Variants in SMYD3 observed in about 807,000 individuals in gnomAD.
SMYD3 encodes the protein SET and MYND domain containing 3, also known as histone-lysine N-methyltransferase SMYD3.
Under a neutral mutation model 57.7 loss-of-function variants are expected in SMYD3, and 36 were observed. The observed-to-expected ratio is 0.62, with a 90% CI of 0.48 to 0.82. The LOEUF (loss-of-function observed/expected upper bound fraction) is 0.82. Ranked by LOEUF, SMYD3 falls within the 40% of genes least tolerant of loss-of-function variation. The probability of loss-of-function intolerance (pLI) is 0.00; values close to 1 mark genes in which losing one functional copy is unlikely to be tolerated. For synonymous variants in SMYD3, 211 were observed against 195.0 expected, an observed-to-expected ratio of 1.08 and a Z score of -0.68; for missense variants, 515 against 538.8, an observed-to-expected ratio of 0.96 and a Z score of 0.44.
At chr1:245,813,145 G>A (rs1462138773) in intron 10 of SMYD3, among the ~76,000 whole-genome samples, 10 of 150,710 alleles carry the variant, frequency 6.6e-5, no homozygotes, top group African/African-American at 2.4e-4. Context: ...CTCCCAAGTA[G>A]CTGGGACTAC....
At chr1:246,344,142 C>G (rs1276238452) in intron 2 of SMYD3, among the ~76,000 whole-genome samples, 1 of 152,086 alleles carries the variant, frequency 6.6e-6, no homozygotes, top group Non-Finnish European at 1.5e-5. Context: ...CTTAGCCTCC[C>G]AAAGTGCTGG....
intron 10 of SMYD3, among the ~76,000 whole-genome samples, chr1:245,801,478 A>G (rs2047858768): frequency 6.6e-6 from 1 of 152,216 alleles, no homozygotes; most frequent in Non-Finnish European, 1.5e-5. Flanking sequence ...GATTTAGATG[A>G]AGATATTTAA....
intron 5 of SMYD3, among the ~76,000 whole-genome samples, chr1:246,278,060 G>A (rs143066839): frequency 6.6e-6 from 1 of 152,238 alleles, no homozygotes; most frequent in East Asian, 1.9e-4. Context: ...GAGTACAACT[G>A]CAAACAGCCA....
chr1:246,302,216 G>A (rs1148715), intron 5 of SMYD3, among the ~76,000 whole-genome samples: 29,034 of 152,082 alleles, frequency 0.19, 2,980 homozygotes, highest in East Asian at 0.3. Flanking sequence ...TTTGGCCACT[G>A]TCTTGCCACC....
rs1047226031 is a variant in SMYD3, at chr1:246,507,067, G to C, written c.151C>G (p.Arg51Gly). The change falls in exon 1 of 12, where the codon CGC (arginine) becomes GGC (glycine). Residue 51 changes from arginine to glycine, a missense_variant. Physicochemically the swap from Arg to Gly is moderately radical, Grantham distance 125. Transcript: ENST00000490107. ...CTCCTTACGCACCCGAGAAGGCAGC[G>C]GTCGCAGACGACGCCACGACTCCCC... is the stretch of plus-strand genomic sequence containing the variant. ...CKGSRGVVCD[R>G]CLLGKEKLMR... 4 of 1,512,420 alleles carry C rather than the reference G, an allele frequency of 2.6e-6. No homozygotes were observed. The Admixed American group carries it at 8.6e-5, about 32-fold the overall frequency. 93.7% of individuals were successfully genotyped at this position (1,512,420 alleles called of 1,614,324 possible).
chr1:246,112,119 C>A (rs562014430), intron 5 of SMYD3, among the ~76,000 whole-genome samples: 2 of 152,186 alleles, frequency 1.3e-5, no homozygotes, highest in Non-Finnish European at 2.9e-5. Context: ...TTCAGAGCAA[C>A]CTTCTTCATG....
intron 5 of SMYD3, chr1:246,052,552 A>G (rs1370632783): frequency 6.6e-6 from 1 of 152,262 alleles, no homozygotes. Flanking sequence ...ATCCACAGAT[A>G]CATCTATCCA....
intron 1 of SMYD3, among the ~76,000 whole-genome samples, chr1:246,409,876 T>C (rs1293091770): frequency 6.6e-6 from 1 of 152,216 alleles, no homozygotes; most frequent in African/African-American, 2.4e-5. Context: ...TAGTTCTCCT[T>C]GAAGAGGTCC....
chr1:246,504,894 T>C (rs1179544221), intron 1 of SMYD3, among the ~76,000 whole-genome samples: 3 of 152,238 alleles, frequency 2.0e-5, no homozygotes, highest in Non-Finnish European at 4.4e-5. Context: ...AGGACAGGCA[T>C]TCAACAGTGG....
intron 5 of SMYD3, among the ~76,000 whole-genome samples, chr1:246,104,865 G>C (rs529868739): frequency 1.3e-5 from 2 of 152,114 alleles, no homozygotes; most frequent in South Asian, 4.2e-4. Context: ...TTTTTAAATA[G>C]GCTACTGTCA....
rs554321507 is a variant in SMYD3, at chr1:245,765,085, CAGTTTAAATGAGCTTT to C, written c.1077-952_1077-937del. 3.3e-3 allele frequency among the ~76,000 whole-genome samples: 446 copies of C among 133,488 alleles called. 4 individuals are homozygous for C. Among genetic ancestry groups the C allele is most frequent in the South Asian group, 9.9e-3 (43 of 4,364 alleles). The allele number at this position is 133,488 out of a possible 152,430, so 87.6% of individuals were successfully genotyped here. A position where few individuals can be genotyped will look rare whatever the true frequency, so the allele number is the denominator to read the frequency against. Reference sequence around the variant, plus strand: ...ACACACACACACACACACAAAACCACAGTTTAAATGAGCTTTTCAGGACAGGTGCGATGGCTCACAC... The same window carrying C: ...ACACACACACACACACACAAAACCACTCAGGACAGGTGCGATGGCTCACAC... On this transcript the variant is annotated intron_variant, in intron 10 of 11. Coordinates refer to ENST00000490107, the MANE Select transcript of SMYD3 (RefSeq NM_001167740.2).
intron 5 of SMYD3, among the ~76,000 whole-genome samples, chr1:246,073,081 G>A (rs906005699): frequency 6.6e-6 from 1 of 152,284 alleles, no homozygotes; most frequent in Non-Finnish European, 1.5e-5. Flanking sequence ...CAGTTACAAC[G>A]ATGGATGCAT....
chr1:246,375,047 C>A (rs572885371), intron 1 of SMYD3, among the ~76,000 whole-genome samples: 1 of 152,132 alleles, frequency 6.6e-6, no homozygotes, highest in African/African-American at 2.4e-5. Flanking sequence ...GAGCCGAGAT[C>A]GCGCTGTTGC....
At chr1:246,453,546 A>G (rs1413000652) in intron 1 of SMYD3, among the ~76,000 whole-genome samples, 1 of 152,208 alleles carries the variant, frequency 6.6e-6, no homozygotes, top group Non-Finnish European at 1.5e-5. Context: ...TCCTATTTGA[A>G]TAAAAAATTA....
chr1:245,948,895 CA>C, intron 5 of SMYD3, among the ~76,000 whole-genome samples: 1 of 152,214 alleles, frequency 6.6e-6, no homozygotes, highest in East Asian at 1.9e-4. Context: ...AGTGACCAGG[CA>C]AGCCATGCAA....
chr1:246,090,793 A>G lies in SMYD3; in HGVS notation c.532-160856T>C, dbSNP rs559354628. ...CCGCCTCCCAAAGCGCTGGGATTAC[A>G]GGCATGAGCTACCACACCCGGCTCT... On this transcript the variant is annotated intron_variant, in intron 5 of 11. Coordinates refer to ENST00000490107, the MANE Select transcript of SMYD3 (RefSeq NM_001167740.2). 4.6e-5 allele frequency among the ~76,000 whole-genome samples: 7 copies of G among 152,228 alleles called. No homozygotes were observed. The South Asian group carries it at 8.3e-4, about 18-fold the overall frequency.
intron 5 of SMYD3, among the ~76,000 whole-genome samples, chr1:246,019,150 A>G (rs1329733127): frequency 1.3e-5 from 2 of 152,054 alleles, no homozygotes; most frequent in African/African-American, 4.8e-5. Flanking sequence ...GTGATTCTCA[A>G]TCAGGGCTGA....
intron 5 of SMYD3, among the ~76,000 whole-genome samples, chr1:246,038,641 A>G (rs1483189332): frequency 1.3e-5 from 2 of 152,162 alleles, no homozygotes; most frequent in Admixed American, 1.3e-4. Context: ...AATTTCACAA[A>G]TCACCCATTC....
At chr1:246,379,189 A>C (rs979366059) in intron 1 of SMYD3, among the ~76,000 whole-genome samples, 7 of 150,936 alleles carry the variant, frequency 4.6e-5, no homozygotes, top group African/African-American at 1.2e-4. Context: ...ATACTAAGCA[A>C]TTTAATCTCT....
Sources: allele counts gnomAD v4.1 joint callset (sites outside exome capture counted in the v4.1 genomes callset), GRCh38; gene constraint gnomAD v4.1.1; transcripts MANE v1.5; gene names NCBI Gene and HGNC (gene_info 2026-07-23, HGNC 2026-07-21).